The following SYNE1 variants were observed in gnomAD, a reference collection of about 807,000 sequenced individuals.
SYNE1 encodes nesprin-1.
SYNE1 carries 616 observed loss-of-function variants against 1,111.0 expected under a neutral mutation model. The observed-to-expected ratio is 0.55, with a 90% CI of 0.52 to 0.59. The LOEUF (loss-of-function observed/expected upper bound fraction) is 0.59. SYNE1 is among the 20% of genes least tolerant of loss of function. The pLI, the probability that SYNE1 is intolerant of heterozygous loss-of-function variation, is 0.00. For synonymous variants in SYNE1, 3,855 were observed against 3,825.8 expected, an observed-to-expected ratio of 1.01 and a Z score of -0.28; for missense variants, 10,006 against 10,417.0, an observed-to-expected ratio of 0.96 and a Z score of 1.72.
intron 76 of SYNE1, chr6:152,335,645 A>G (rs1396426238): frequency 3.9e-5 from 6 of 152,156 alleles, no homozygotes; most frequent in Non-Finnish European, 8.8e-5. Context: ...AAGTTTATTT[A>G]AAATCTGACC....
At chr6:152,228,710 A>T (rs1051313316) in intron 115 of SYNE1, among the ~76,000 whole-genome samples, 1 of 152,176 alleles carries the variant, frequency 6.6e-6, no homozygotes, top group Admixed American at 6.5e-5. Flanking sequence ...AAATCAATGG[A>T]TATGTTTTAA....
At chr6:152,152,255 G>A in intron 133 of SYNE1, 114 bp from the exon 134 acceptor site, 1 of 920,762 alleles carries the variant, frequency 1.1e-6, no homozygotes, top group Non-Finnish European at 1.7e-6. Context: ...CTATCACAGA[G>A]GGAAAGAATG....
At chr6:152,179,698 T>TTTTTTTG in intron 129 of SYNE1, among the ~76,000 whole-genome samples, 1 of 124,348 alleles carries the variant, frequency 8.0e-6, no homozygotes, top group African/African-American at 3.0e-5. Flanking sequence ...TTTTTTTTTT[T>TTTTTTTG]TTTTTGAGAC....
chr6:152,553,405 T>G (rs1484807675), intron 3 of SYNE1, among the ~76,000 whole-genome samples: 1 of 152,126 alleles, frequency 6.6e-6, no homozygotes, highest in Non-Finnish European at 1.5e-5. Flanking sequence ...AGCAAGCAAG[T>G]GCCAAAGTCA....
chr6:152,620,304 A>T (rs2099672504), intron 3 of SYNE1, among the ~76,000 whole-genome samples: 1 of 151,788 alleles, frequency 6.6e-6, no homozygotes, highest in Non-Finnish European at 1.5e-5. Context: ...CATTTCACAA[A>T]CCTCTTTTCT....
chr6:152,617,115 A>G (rs2099656668), intron 3 of SYNE1, among the ~76,000 whole-genome samples: 1 of 152,212 alleles, frequency 6.6e-6, no homozygotes, highest in South Asian at 2.1e-4. Flanking sequence ...TCGGTTTGCC[A>G]CTTAACCACT....
intron 121 of SYNE1, among the ~76,000 whole-genome samples, chr6:152,216,102 C>A (rs537016255): frequency 6.6e-6 from 1 of 152,164 alleles, no homozygotes; most frequent in Non-Finnish European, 1.5e-5. Context: ...TGTCAGGCCA[C>A]CTTTGGCTAT....
At chr6:152,536,423 T>TTA (rs1243077172) in intron 4 of SYNE1, among the ~76,000 whole-genome samples, 17 of 133,612 alleles carry the variant, frequency 1.3e-4, no homozygotes, top group Non-Finnish European at 2.5e-4. Flanking sequence ...ATATATATAT[T>TTA]TATATATATA....
intron 2 of SYNE1, among the ~76,000 whole-genome samples, chr6:152,630,187 T>C (rs1761810435): frequency 1.3e-5 from 2 of 150,494 alleles, no homozygotes; most frequent in Non-Finnish European, 2.9e-5. Flanking sequence ...GTGCAATGCA[T>C]CAGAAGGATG....
chr6:152,619,388 C>G (rs2099670216), intron 3 of SYNE1, among the ~76,000 whole-genome samples: 1 of 152,100 alleles, frequency 6.6e-6, no homozygotes, highest in Non-Finnish European at 1.5e-5. Context: ...GATGCAGATG[C>G]AATTTCCCCA....
At chr6:152,239,322 G>A (rs896503920) in intron 108 of SYNE1, among the ~76,000 whole-genome samples, 5 of 151,942 alleles carry the variant, frequency 3.3e-5, no homozygotes, top group African/African-American at 1.2e-4. Context: ...TCTTACTTTC[G>A]ACATGGCACA....
chr6:152,396,358 C>A (rs911532356), intron 50 of SYNE1, among the ~76,000 whole-genome samples: 22 of 152,098 alleles, frequency 1.4e-4, no homozygotes, highest in African/African-American at 5.1e-4. Context: ...CCCTTCTAAT[C>A]GTATATTCAC....
chr6:152,384,086 A>G (rs543044485), intron 55 of SYNE1, among the ~76,000 whole-genome samples: 66 of 152,344 alleles, frequency 4.3e-4, no homozygotes, highest in African/African-American at 1.5e-3. Context: ...TTTTATGTGT[A>G]TGATCTAATT....
rs778980935 is a variant in SYNE1, at chr6:152,505,253, A to G, written c.726T>C (p.Ala242=). The G allele has an allele frequency of 1.9e-6, 3 of 1,613,886 alleles. No individual in the cohort carries two copies. In the East Asian group the frequency reaches 6.7e-5, roughly 36 times the overall value. ...GRSNRENLED[A]FTIAETELGI... ...CCAGTTCTGTTTCGGCGATAGTGAA[A>G]GCATCCTCCAAATTTTCTCGGTTGG... Residue 242 remains alanine, a synonymous_variant, in exon 9 of 146, where the codon GCT becomes GCC. Coordinates refer to ENST00000367255, the MANE Select transcript of SYNE1 (RefSeq NM_182961.4).
chr6:152,383,813 C>T (rs375682575), intron 55 of SYNE1, among the ~76,000 whole-genome samples: 1 of 152,128 alleles, frequency 6.6e-6, no homozygotes, highest in East Asian at 1.9e-4. Flanking sequence ...TACAACTGCC[C>T]CCAAGACATT....
At chr6:152,518,430 G>A (rs2154346125) in intron 6 of SYNE1, among the ~76,000 whole-genome samples, 1 of 152,010 alleles carries the variant, frequency 6.6e-6, no homozygotes, top group South Asian at 2.1e-4. Context: ...AAAGTGTGCA[G>A]CACCTCGCCC....
At position 152,263,153 on chromosome 6, in the gene SYNE1, T is replaced by C. The variant is rs115700209; in HGVS notation, c.18816-965A>G. ...AGGACACAGGAATGATCGTACAGGA[T>C]GTGGGAAGGTAGTATAGGGCATGGA... On this transcript the variant is annotated intron_variant, in intron 100 of 145. Transcript: ENST00000367255. Among the ~76,000 whole-genome samples, 1,422 of 148,362 alleles carry C rather than the reference T, an allele frequency of 9.6e-3. 26 individuals carry two copies. Among genetic ancestry groups the C allele is most frequent in the African/African-American group, 0.033 (1,329 of 39,872 alleles).
intron 70 of SYNE1, among the ~76,000 whole-genome samples, chr6:152,351,014 T>A (rs1447359762): frequency 3.9e-5 from 6 of 152,246 alleles, no homozygotes; most frequent in Non-Finnish European, 8.8e-5. Flanking sequence ...TGGGAAATAG[T>A]TATATTTGTC....
intron 11 of SYNE1, among the ~76,000 whole-genome samples, chr6:152,489,353 G>C (rs2098957862): frequency 6.6e-6 from 1 of 152,074 alleles, no homozygotes; most frequent in Admixed American, 6.5e-5. Flanking sequence ...GTCCCCCTTG[G>C]CAGGTGATGT....
Sources: gnomAD v4.1 joint callset for allele counts (sites outside exome capture counted in the v4.1 genomes callset) on GRCh38, gnomAD v4.1.1 for gene constraint, MANE v1.5 for transcripts, NCBI Gene and HGNC (gene_info 2026-07-23, HGNC 2026-07-21) for gene names.